Variants in TMBIM4 observed in about 807,000 individuals in gnomAD.
TMBIM4 encodes protein lifeguard 4.
A neutral mutation model predicts 27.7 loss-of-function variants in TMBIM4; 28 were observed. The observed-to-expected ratio is 1.01, with a 90% CI of 0.75 to 1.38. TMBIM4 has a LOEUF of 1.38. TMBIM4 is among the 40% of genes most tolerant of loss of function. TMBIM4 has a pLI of 0.00. For missense variants in TMBIM4, 265 were observed against 277.5 expected, an observed-to-expected ratio of 0.95 and a Z score of 0.32; for synonymous variants, 115 against 113.1, an observed-to-expected ratio of 1.02 and a Z score of -0.11.
chr12:66,158,427 T>A (rs1037232790), intron 1 of TMBIM4, among the ~76,000 whole-genome samples: 14 of 151,930 alleles, frequency 9.2e-5, no homozygotes, highest in African/African-American at 3.4e-4. Flanking sequence ...GATCACGAGG[T>A]CAGGAGATCA....
chr12:66,138,852 A>G, intron 5 of TMBIM4, 83 bp from the exon 6 acceptor site: 2 of 1,369,404 alleles, frequency 1.5e-6, no homozygotes, highest in Non-Finnish European at 1.9e-6. Flanking sequence ...TTCTGAAAAA[A>G]ACATCCATCT....
At chr12:66,151,354 C>G (rs2051842230) in intron 3 of TMBIM4, among the ~76,000 whole-genome samples, 1 of 152,160 alleles carries the variant, frequency 6.6e-6, no homozygotes, top group South Asian at 2.1e-4. Context: ...CCTCCCACCT[C>G]AGCCTCCCAA....
At position 66,169,858 on chromosome 12, in the gene TMBIM4, T is replaced by C; in HGVS notation, c.94A>G (p.Met32Val). Residue 32 changes from methionine (M) to valine (V), a missense_variant, in exon 1 of 7, where the codon ATG becomes GTG. Physicochemically the swap from Met to Val is conservative, Grantham distance 21. Transcript: ENST00000358230. ...SVASATVHIR[M>V]AFLRKVYSIL... Reference sequence around the variant, plus strand: ...CACTGGAGAGGGGACAACGTACCCATTCGGATGTGCACGGTGGCGGAGGCC... The same window carrying C: ...CACTGGAGAGGGGACAACGTACCCACTCGGATGTGCACGGTGGCGGAGGCC... 1 of 1,513,412 alleles carries C rather than the reference T, an allele frequency of 6.6e-7. No homozygotes were observed. Among genetic ancestry groups the C allele is most frequent in the Non-Finnish European group, 8.8e-7 (1 of 1,130,946 alleles). 93.7% of individuals were successfully genotyped at this position (1,513,412 alleles called of 1,614,324 possible).
intron 3 of TMBIM4, among the ~76,000 whole-genome samples, chr12:66,150,695 G>T (rs111416183): frequency 6.6e-6 from 1 of 152,200 alleles, no homozygotes; most frequent in African/African-American, 2.4e-5. Context: ...TCACACAGGC[G>T]TGAGCCACCA....
At position 66,153,383 on chromosome 12, in the gene TMBIM4, C is replaced by T; in HGVS notation, c.163G>A (p.Val55Ile). ...QVLLTTVTST[V>I]FLYFESVRTF... ...CGTACAGACTCAAAGTATAAAAAAA[C>T]TGTTGAAGTCACTGTAGTTAAGAGA... is the stretch of plus-strand genomic sequence containing the variant. The change falls in exon 2 of 7, where the codon GTT (valine) becomes ATT (isoleucine). Residue 55 changes from valine to isoleucine, a missense_variant. Coordinates refer to ENST00000358230, the MANE Select transcript of TMBIM4 (RefSeq NM_016056.4). The T allele has an allele frequency of 9.4e-6, 15 of 1,601,870 alleles. No homozygotes were observed. The highest frequency in any genetic ancestry group is 1.3e-5 in the Non-Finnish European group (15 of 1,175,730).
rs1271530556 is a variant in TMBIM4 at position 66,169,927 on chromosome 12, G to A, written c.25C>T (p.Pro9Ser). The change falls in exon 1 of 7, where the codon CCT becomes TCT. Residue 9 changes from proline (P) to serine (S), a missense_variant. Coordinates refer to ENST00000358230, the MANE Select transcript of TMBIM4 (RefSeq NM_016056.4). MADPDPRY[P>S]RSSIEDDFNY... Reference sequence around the variant, plus strand: ...AAGTCGTCCTCGATCGAGGAGCGAGGGTACCGGGGGTCGGGGTCAGCCATG... The same window carrying A: ...AAGTCGTCCTCGATCGAGGAGCGAGAGTACCGGGGGTCGGGGTCAGCCATG... 6.7e-7 allele frequency: 1 copy of A among 1,494,554 alleles called. No individual in the cohort carries two copies. Among genetic ancestry groups the A allele is most frequent in the Non-Finnish European group, 8.9e-7 (1 of 1,124,048 alleles). The allele number at this position is 1,494,554 out of a possible 1,614,324, so 92.6% of individuals were successfully genotyped here.
intron 1 of TMBIM4, among the ~76,000 whole-genome samples, chr12:66,155,335 TGAGAGAGAGA>T (rs71697123): frequency 1.2e-4 from 16 of 131,600 alleles, no homozygotes; most frequent in African/African-American, 4.2e-4. Context: ...TGCACACGTG[TGAGAGAGAGA>T]GAGAGAGAGA....
chr12:66,160,996 C>T (rs56271210), intron 1 of TMBIM4: 45,330 of 135,964 alleles, frequency 0.33, 7,312 homozygotes, highest in East Asian at 0.52. Flanking sequence ...CTTCCCAGAC[C>T]GGGCAGCGGC....
chr12:66,168,023 C>A (rs1437065890), intron 1 of TMBIM4, among the ~76,000 whole-genome samples: 1 of 151,818 alleles, frequency 6.6e-6, no homozygotes, highest in Non-Finnish European at 1.5e-5. Context: ...AGTTCAAGAT[C>A]GGATGGGGCA....
chr12:66,156,354 T>C (rs1265314858), intron 1 of TMBIM4, among the ~76,000 whole-genome samples: 6 of 152,164 alleles, frequency 3.9e-5, no homozygotes, highest in Non-Finnish European at 8.8e-5. Flanking sequence ...GCCAAAAACA[T>C]AGAAGTCATC....
rs1467778418 is a variant in TMBIM4 at position 66,137,904 on chromosome 12, CT to C, written c.*55del. 2.0e-6 allele frequency: 3 copies of C among 1,491,230 alleles called. No homozygotes were observed. Among genetic ancestry groups the C allele is most frequent in the East Asian group, 4.5e-5 (2 of 44,174 alleles). 92.4% of individuals were successfully genotyped at this position (1,491,230 alleles called of 1,614,324 possible). ...TATACTGCTTCCAATTACTTTAATC[CT>C]TTTTTCTCATTAAATTTTTTTTGTT... On this transcript the variant is annotated 3_prime_UTR_variant, in exon 7 of 7. Transcript: ENST00000358230.
chr12:66,147,967 G>T (rs2051779487), intron 3 of TMBIM4, 26 bp from the exon 4 acceptor site: 2 of 1,602,070 alleles, frequency 1.2e-6, no homozygotes, highest in South Asian at 1.1e-5. Flanking sequence ...TTAAATTAGT[G>T]ACTGTAAAAT....
intron 4 of TMBIM4, among the ~76,000 whole-genome samples, chr12:66,146,756 GTTCT>G (rs1341102385): frequency 1.3e-5 from 2 of 151,940 alleles, no homozygotes; most frequent in African/African-American, 4.8e-5. Flanking sequence ...AATTATTCAT[GTTCT>G]TTCTATCATT....
At position 66,137,664 on chromosome 12, in the gene TMBIM4, G is replaced by C. The variant is rs1258841726; in HGVS notation, c.*296C>G. On this transcript the variant is annotated 3_prime_UTR_variant, in exon 7 of 7. Transcript: ENST00000358230. Reference sequence around the variant, plus strand: ...CTGCCTCGGTCTCCCAAAGTGGTGGGATTACAGGCGTGAGCCACTGTGCCC... The same window carrying C: ...CTGCCTCGGTCTCCCAAAGTGGTGGCATTACAGGCGTGAGCCACTGTGCCC... 3.2e-6 allele frequency: 1 copy of C among 307,938 alleles called. No individual in the cohort carries two copies. Among genetic ancestry groups the C allele is most frequent in the Non-Finnish European group, 6.2e-6 (1 of 160,824 alleles). 19.1% of individuals were successfully genotyped at this position (307,938 alleles called of 1,614,324 possible).
At chr12:66,149,205 C>A (rs1365904391) in intron 3 of TMBIM4, among the ~76,000 whole-genome samples, 1 of 151,968 alleles carries the variant, frequency 6.6e-6, no homozygotes, top group East Asian at 1.9e-4. Flanking sequence ...CTCTGGGAGG[C>A]CGAGGCAGGT....
At chr12:66,158,287 A>G (rs1481918643) in intron 1 of TMBIM4, among the ~76,000 whole-genome samples, 1 of 151,960 alleles carries the variant, frequency 6.6e-6, no homozygotes, top group African/African-American at 2.4e-5. Flanking sequence ...AAAAATACAT[A>G]AAGAGTATAA....
At chr12:66,138,804 G>T (rs1360421298) in intron 5 of TMBIM4, 35 bp from the exon 6 acceptor site, 2 of 1,464,154 alleles carry the variant, frequency 1.4e-6, no homozygotes, top group Non-Finnish European at 1.8e-6. Flanking sequence ...TTGCAATATT[G>T]TTCCTTACAA....
At chr12:66,150,268 C>G (rs1028850094) in intron 3 of TMBIM4, among the ~76,000 whole-genome samples, 4 of 152,082 alleles carry the variant, frequency 2.6e-5, no homozygotes, top group Non-Finnish European at 5.9e-5. Flanking sequence ...CTGACTAGGC[C>G]AGGAGTTGGC....
At position 66,139,875 on chromosome 12, in the gene TMBIM4, C is replaced by T. The variant is rs59908796; in HGVS notation, c.465-1106G>A. Among the ~76,000 whole-genome samples the T allele has an allele frequency of 3.1e-3, 473 of 152,226 alleles. 6 individuals are homozygous for T. Among genetic ancestry groups the T allele is most frequent in the African/African-American group, 0.011 (452 of 41,534 alleles). ...CACACAAGCTGGAGTAGAAAGACCT[C>T]GTAAGACATGCACTGAGTAGTATGC... On this transcript the variant is annotated intron_variant, in intron 5 of 6. Coordinates refer to ENST00000358230, the MANE Select transcript of TMBIM4 (RefSeq NM_016056.4).
Sources: gnomAD v4.1 joint callset for allele counts (sites outside exome capture counted in the v4.1 genomes callset) on GRCh38, gnomAD v4.1.1 for gene constraint, MANE v1.5 for transcripts, NCBI Gene and HGNC (gene_info 2026-07-23, HGNC 2026-07-21) for gene names.